RASL11B: variants seen among roughly 807,000 people sequenced by gnomAD.
RASL11B encodes the protein RAS like family 11 member B.
In RASL11B, 14 loss-of-function variants were observed where a neutral mutation model predicts 22.9. The ratio of observed to expected loss-of-function variants is 0.61; its 90% CI spans 0.40 to 0.96. RASL11B has a LOEUF of 0.96. RASL11B is among the 40% of genes least tolerant of loss of function. RASL11B has a pLI of 0.00. For synonymous variants in RASL11B, 143 were observed against 130.2 expected (o/e 1.10, Z -0.67); for missense variants, 261 against 322.0 (o/e 0.81, Z 1.45).
chr4:52,862,623 T>G lies in RASL11B; in HGVS notation c.116T>G (p.Val39Gly), dbSNP rs1477674682. Residue 39 changes from valine to glycine, a missense_variant, in exon 1 of 4, where the codon GTG becomes GGG. Physicochemically the swap from Val to Gly is moderately radical, Grantham distance 109. Transcript: ENST00000248706. The stretch of plus-strand genomic sequence containing the variant: ...CGCCGCCTGGTCAAGATCGCCGTGG[T>G]GGGCGCCAGCGGCGTGGGCAAGACC... ...AGRRLVKIAV[V>G]GASGVGKTAL... 2 of 1,586,936 alleles carry G rather than the reference T, an allele frequency of 1.3e-6. No individual in the cohort carries two copies. Among genetic ancestry groups the G allele is most frequent in the African/African-American group, 1.4e-5 (1 of 72,948 alleles).
chr4:52,866,772 C>T lies in RASL11B; in HGVS notation c.*967C>T, dbSNP rs925498563. On this transcript the variant is annotated 3_prime_UTR_variant, in exon 4 of 4. Transcript: ENST00000248706. ...TCCACAGATGCACTTTAAAAAGCCA[C>T]TCATGCTTTGGCTTAAACTGTAATT... 4 of 152,660 alleles carry T rather than the reference C, an allele frequency of 2.6e-5. No homozygotes were observed. Among genetic ancestry groups the T allele is most frequent in the African/African-American group, 9.6e-5 (4 of 41,452 alleles). 9.5% of individuals were successfully genotyped at this position (152,660 alleles called of 1,614,324 possible). A position where few individuals can be genotyped will look rare whatever the true frequency, so the allele number is the denominator to read the frequency against.
intron 3 of RASL11B, 27 bp downstream of exon 3, chr4:52,864,581 A>C: frequency 7.0e-7 from 1 of 1,431,990 alleles, no homozygotes; most frequent in Non-Finnish European, 9.9e-7. Flanking sequence ...CTCTGGGTGA[A>C]AGGGGAACCT....
In RASL11B at chr4:52,864,494, A is replaced by C; in HGVS notation, c.216A>C (p.Arg72Ser). The stretch of plus-strand genomic sequence containing the variant: ...CCTTCATAGGTAATCTCTATACTAG[A>C]CAAGTTCAGATAGAAGGTGAAACCC... ...YERNAGNLYTRQVQIEGETLA... is the reference protein window; with the variant it reads ...YERNAGNLYTSQVQIEGETLA... The change falls in exon 3 of 4, where the codon AGA becomes AGC. Residue 72 changes from arginine to serine, a missense_variant. Transcript: ENST00000248706. The C allele has an allele frequency of 6.2e-7, 1 of 1,603,238 alleles. No homozygotes were observed. The highest frequency in any genetic ancestry group is 2.2e-5 in the East Asian group (1 of 44,838).
At chr4:52,865,102 C>G (rs1344059506) in intron 3 of RASL11B, among the ~76,000 whole-genome samples, 1 of 152,188 alleles carries the variant, frequency 6.6e-6, no homozygotes, top group East Asian at 1.9e-4. Context: ...GCATGGAGTT[C>G]TCTGCAGGTC....
chr4:52,865,061 T>C (rs1317422327), intron 3 of RASL11B, among the ~76,000 whole-genome samples: 1 of 152,192 alleles, frequency 6.6e-6, no homozygotes, highest in Non-Finnish European at 1.5e-5. Flanking sequence ...GCCAGTTAAT[T>C]TCCCATTTTG....
At position 52,865,909 on chromosome 4, in the gene RASL11B, A is replaced by G; in HGVS notation, c.*104A>G. ...TTGGCAATGATTCCTGGTTCCAGAAAGGGCTGGAGCAGAAGGGCCAAGAGG... is the reference window on the plus strand; with the variant it reads ...TTGGCAATGATTCCTGGTTCCAGAAGGGGCTGGAGCAGAAGGGCCAAGAGG... On this transcript the variant is annotated 3_prime_UTR_variant, in exon 4 of 4. Coordinates refer to ENST00000248706, the MANE Select transcript of RASL11B (RefSeq NM_023940.3). The G allele has an allele frequency of 1.2e-6, 1 of 865,676 alleles. No individual in the cohort carries two copies. Among genetic ancestry groups the G allele is most frequent in the South Asian group, 1.7e-5 (1 of 58,468 alleles). The allele number at this position is 865,676 out of a possible 1,614,324, so 53.6% of individuals were successfully genotyped here. A position where few individuals can be genotyped will look rare whatever the true frequency, so the allele number is the denominator to read the frequency against.
In RASL11B at chr4:52,862,516, C is replaced by T; in HGVS notation, c.9C>T (p.Leu3=). 5 of 1,604,742 alleles carry T rather than the reference C, an allele frequency of 3.1e-6. No individual in the cohort carries two copies. The highest frequency in any genetic ancestry group is 1.1e-5 in the South Asian group (1 of 90,508). ...GCGCCGCAGCCGAGGCGATGCGCCTCATTCAGAACATGTGCACCATCGCCG... is the reference window on the plus strand; with the variant it reads ...GCGCCGCAGCCGAGGCGATGCGCCTTATTCAGAACATGTGCACCATCGCCG... MR[L]IQNMCTIAEY... Residue 3 remains leucine, a synonymous_variant, in exon 1 of 4, where the codon CTC becomes CTT. Transcript: ENST00000248706.
intron 1 of RASL11B, 118 bp downstream of exon 1, chr4:52,862,767 A>G (rs1718184114): frequency 1.6e-6 from 2 of 1,222,772 alleles, no homozygotes. Flanking sequence ...GTCCCCGCGC[A>G]GGGAGCCGCT....
At position 52,862,562 on chromosome 4, in the gene RASL11B, G is replaced by A. The variant is rs894611323; in HGVS notation, c.55G>A (p.Ala19Thr). 5 of 1,604,658 alleles carry A rather than the reference G, an allele frequency of 3.1e-6. No individual in the cohort carries two copies. Among genetic ancestry groups the A allele is most frequent in the Non-Finnish European group, 1.7e-6 (2 of 1,177,292 alleles). The change falls in exon 1 of 4, where the codon GCC becomes ACC. Residue 19 changes from alanine to threonine, a missense_variant. Physicochemically the swap from Ala to Thr is moderately conservative, Grantham distance 58. Transcript: ENST00000248706. ...CGCCGAGTACCCCGCGCCGGGCAAC[G>A]CCGCGGCCTCCGACTGCTGTGTGGG... The part of the protein sequence containing the change: ...TIAEYPAPGN[A>T]AASDCCVGAA...
Position 52,863,320 on chromosome 4 carries a change from T to A in RASL11B, c.195T>A (p.Asn65Lys). The A allele has an allele frequency of 6.2e-7, 1 of 1,613,370 alleles. No individual in the cohort carries two copies. The highest frequency in any genetic ancestry group is 8.5e-7 in the Non-Finnish European group (1 of 1,179,552). Reference sequence around the variant, plus strand: ...GATTCATCGGTGACTATGAAAGAAATGCAGGTGAGACAATGCATTTGAGAA... The same window carrying A: ...GATTCATCGGTGACTATGAAAGAAAAGCAGGTGAGACAATGCATTTGAGAA... ...TKRFIGDYER[N>K]AGNLYTRQVQ... The change falls in exon 2 of 4, where the codon AAT becomes AAA. Residue 65 changes from asparagine to lysine, a missense_variant. By Grantham distance (94) the Asn-to-Lys change is moderately conservative. Transcript: ENST00000248706.
intron 1 of RASL11B, among the ~76,000 whole-genome samples, 154 bp from the exon 2 acceptor site, chr4:52,863,114 T>A (rs1255399818): frequency 6.6e-6 from 1 of 152,084 alleles, no homozygotes; most frequent in Admixed American, 6.5e-5. Context: ...CCTTTTTGTC[T>A]GGAAAGAAGG....
chr4:52,866,703 A>ACTT lies in RASL11B; in HGVS notation c.*899_*901dup, dbSNP rs1718268125. On this transcript the variant is annotated 3_prime_UTR_variant, in exon 4 of 4. Transcript: ENST00000248706. ...CTAAGGGTGGCTGAAATACTAAAACACTTATCTTACAGCAAGTGAACAGGG... is the reference window on the plus strand; with the variant it reads ...CTAAGGGTGGCTGAAATACTAAAACACTTCTTATCTTACAGCAAGTGAACAGGG... 1 of 149,112 alleles carries ACTT rather than the reference A, an allele frequency of 6.7e-6. No individual in the cohort carries two copies. Among genetic ancestry groups the ACTT allele is most frequent in the Non-Finnish European group, 1.5e-5 (1 of 67,474 alleles). The allele number at this position is 149,112 out of a possible 1,614,324, so 9.2% of individuals were successfully genotyped here.
Position 52,862,364 on chromosome 4 carries a change from C to CCCCCCCCCCCT in RASL11B, c.-144_-143insCCCCCCCCCCT. On this transcript the variant is annotated 5_prime_UTR_variant, in exon 1 of 4. Transcript: ENST00000248706. ...CCTGCGGAACCTCGGCGCTCGGCCC[C>CCCCCCCCCCCT]ACCCCGCCCGTACCTGCACTTATTT... 1.4e-5 allele frequency: 10 copies of CCCCCCCCCCCT among 708,946 alleles called. No homozygotes were observed. The highest frequency in any genetic ancestry group is 9.0e-5 in the South Asian group (4 of 44,394). The allele number at this position is 708,946 out of a possible 1,614,324, so 43.9% of individuals were successfully genotyped here. A position where few individuals can be genotyped will look rare whatever the true frequency, so the allele number is the denominator to read the frequency against.
At chr4:52,864,986 C>G (rs1718230895) in intron 3 of RASL11B, among the ~76,000 whole-genome samples, 1 of 152,186 alleles carries the variant, frequency 6.6e-6, no homozygotes, top group Admixed American at 6.5e-5. Context: ...GCCTCCTGAA[C>G]TGGGCAGTTA....
Position 52,865,317 on chromosome 4 carries a change from ATCAC to A in RASL11B, c.277-15_277-12del. On this transcript the variant is annotated splice_polypyrimidine_tract_variant and intron_variant, in intron 3 of 3. Coordinates refer to ENST00000248706, the MANE Select transcript of RASL11B (RefSeq NM_023940.3). ...ACAACTGGCCAGCATTCACCTTGCCATCACTCCTCTCTTTCAGGTCCATGAGAAC... is the reference window on the plus strand; with the variant it reads ...ACAACTGGCCAGCATTCACCTTGCCATCCTCTCTTTCAGGTCCATGAGAAC... 1 of 1,585,996 alleles carries A rather than the reference ATCAC, an allele frequency of 6.3e-7. No individual in the cohort carries two copies. The highest frequency in any genetic ancestry group is 1.1e-5 in the South Asian group (1 of 87,438).
In RASL11B at chr4:52,865,618, A is replaced by T; in HGVS notation, c.560A>T (p.Tyr187Phe). 6.2e-7 allele frequency: 1 copy of T among 1,614,214 alleles called. No homozygotes were observed. The highest frequency in any genetic ancestry group is 8.5e-7 in the Non-Finnish European group (1 of 1,180,034). The change falls in exon 4 of 4, where the codon TAT (tyrosine) becomes TTT (phenylalanine). Residue 187 changes from tyrosine to phenylalanine, a missense_variant. Transcript: ENST00000248706. ...TATGAAGTGTCTGTCAGTGAAAATTATAATGATGTCTACAGCGCCTTCCAC... is the reference window on the plus strand; with the variant it reads ...TATGAAGTGTCTGTCAGTGAAAATTTTAATGATGTCTACAGCGCCTTCCAC... The part of the protein sequence containing the change: ...SFYEVSVSEN[Y>F]NDVYSAFHVL...
chr4:52,865,154 C>T (rs1158868115), intron 3 of RASL11B, among the ~76,000 whole-genome samples, 181 bp from the exon 4 acceptor site: 2 of 152,152 alleles, frequency 1.3e-5, no homozygotes, highest in Non-Finnish European at 2.9e-5. Flanking sequence ...GTTATTTATT[C>T]CCACTCTGTG....
At chr4:52,862,766 C>G in intron 1 of RASL11B, 117 bp downstream of exon 1, 1 of 1,222,672 alleles carries the variant, frequency 8.2e-7, no homozygotes, top group Non-Finnish European at 1.1e-6. Flanking sequence ...CGTCCCCGCG[C>G]AGGGAGCCGC....
Position 52,862,654 on chromosome 4 carries a change from G to C in RASL11B, c.142+5G>C, listed in dbSNP as rs757847232. On this transcript the variant is annotated splice_donor_5th_base_variant and intron_variant, in intron 1 of 3. Coordinates refer to ENST00000248706, the MANE Select transcript of RASL11B (RefSeq NM_023940.3). ...CCAGCGGCGTGGGCAAGACCGGTGA[G>C]TCGTCGCGCTTAGCCCTGGGTCTGG... 1.3e-6 allele frequency: 2 copies of C among 1,562,560 alleles called. No homozygotes were observed. Among genetic ancestry groups the C allele is most frequent in the Non-Finnish European group, 1.7e-6 (2 of 1,163,904 alleles).
Sources: gnomAD v4.1 joint callset for allele counts (sites outside exome capture counted in the v4.1 genomes callset) on GRCh38, gnomAD v4.1.1 for gene constraint, MANE v1.5 for transcripts, NCBI Gene and HGNC (gene_info 2026-07-23, HGNC 2026-07-21) for gene names.